NTM: variants seen among roughly 807,000 people sequenced by gnomAD.
NTM encodes IgLON family member 2.
A neutral mutation model predicts 42.1 loss-of-function variants in NTM; 13 were observed. The observed-to-expected ratio is 0.31, with a 90% confidence interval of 0.20 to 0.49. NTM has a LOEUF of 0.49. NTM is among the 20% of genes least tolerant of loss of function. NTM has a pLI of 0.99. For synonymous variants in NTM, 187 were observed against 179.2 expected, an observed-to-expected ratio of 1.04 and a Z score of -0.35; for missense variants, 373 against 452.8, an observed-to-expected ratio of 0.82 and a Z score of 1.60.
intron 2 of NTM, among the ~76,000 whole-genome samples, chr11:131,990,701 T>G (rs2066862965): frequency 6.6e-6 from 1 of 152,160 alleles, no homozygotes; most frequent in African/African-American, 2.4e-5. Context: ...CCTGCATTAT[T>G]AAGATTTCAG....
intron 2 of NTM, among the ~76,000 whole-genome samples, chr11:132,030,941 G>T (rs1455514953): frequency 6.6e-6 from 1 of 152,136 alleles, no homozygotes; most frequent in East Asian, 1.9e-4. Flanking sequence ...TTGGGCTCAG[G>T]CTTCTTCCAC....
intron 1 of NTM, among the ~76,000 whole-genome samples, chr11:131,520,162 C>G (rs867427678): frequency 1.9e-4 from 29 of 152,274 alleles, no homozygotes; most frequent in Middle Eastern, 3.4e-3. Flanking sequence ...TCTAAGTGAC[C>G]TAGAATTCCT....
Position 132,146,118 on chromosome 11 carries a change from C to A in NTM, c.168-164C>A. 2 of 612,440 alleles carry A rather than the reference C, an allele frequency of 3.3e-6. No homozygotes were observed. The highest frequency in any genetic ancestry group is 7.2e-5 in the South Asian group (1 of 13,840). 37.9% of individuals were successfully genotyped at this position (612,440 alleles called of 1,614,324 possible). A position where few individuals can be genotyped will look rare whatever the true frequency, so the allele number is the denominator to read the frequency against. Reference sequence around the variant, plus strand: ...TTCTGAGGCTGTAATCCCATAAGACCTTTGCTGTGTTCCAGAAAAGTCCAC... The same window carrying A: ...TTCTGAGGCTGTAATCCCATAAGACATTTGCTGTGTTCCAGAAAAGTCCAC... On this transcript the variant is annotated intron_variant, in intron 2 of 8. Transcript: ENST00000683400. The surrounding 1 kb of genome is among the most constrained non-coding windows in gnomAD (Gnocchi z 4.5).
At chr11:132,097,633 A>T (rs1311302753) in intron 2 of NTM, among the ~76,000 whole-genome samples, 7 of 152,152 alleles carry the variant, frequency 4.6e-5, no homozygotes, top group Non-Finnish European at 8.8e-5. Flanking sequence ...CACTGATATG[A>T]CCTCCTAGGT....
chr11:131,375,351 T>A (rs1941820086), intron 1 of NTM, among the ~76,000 whole-genome samples: 1 of 152,244 alleles, frequency 6.6e-6, no homozygotes. Flanking sequence ...ATTGTCTTGT[T>A]ACATGTTTAC....
chr11:131,412,071 T>A (rs1946483756), intron 1 of NTM, among the ~76,000 whole-genome samples: 1 of 152,156 alleles, frequency 6.6e-6, no homozygotes, highest in Non-Finnish European at 1.5e-5. Context: ...TTTTTCAGTG[T>A]CAATGCAATT....
chr11:131,617,891 AG>A (rs1389219028), intron 1 of NTM, among the ~76,000 whole-genome samples: 1 of 152,100 alleles, frequency 6.6e-6, no homozygotes, highest in Non-Finnish European at 1.5e-5. Flanking sequence ...GGGGGTTGGG[AG>A]GGCGAGCCAC....
chr11:132,333,682 T>C, intron 8 of NTM, among the ~76,000 whole-genome samples: 1 of 152,152 alleles, frequency 6.6e-6, no homozygotes, highest in East Asian at 1.9e-4. Context: ...GATCTGCACC[T>C]CTGAGAAGTT....
intron 2 of NTM, among the ~76,000 whole-genome samples, chr11:132,112,038 A>G (rs2063280362): frequency 6.6e-6 from 1 of 152,218 alleles, no homozygotes; most frequent in South Asian, 2.1e-4. Context: ...ACAAAAGGTC[A>G]TCCCTCCCTC....
intron 1 of NTM, among the ~76,000 whole-genome samples, chr11:131,376,687 C>A (rs1318090162): frequency 1.4e-5 from 2 of 142,684 alleles, no homozygotes; most frequent in Non-Finnish European, 3.0e-5. Flanking sequence ...TTTTTTTTAG[C>A]TTCAGTGAGA....
chr11:131,736,160 G>A (rs2080406567), intron 1 of NTM, among the ~76,000 whole-genome samples: 1 of 152,006 alleles, frequency 6.6e-6, no homozygotes, highest in Admixed American at 6.6e-5. Context: ...AGAAACAAAG[G>A]CCTAAGAAGG....
chr11:131,496,924 C>T (rs1955405726), intron 1 of NTM, among the ~76,000 whole-genome samples: 1 of 152,188 alleles, frequency 6.6e-6, no homozygotes, highest in African/African-American at 2.4e-5. Flanking sequence ...GAACTCAAAC[C>T]AGCACTGGAA....
At chr11:132,168,186 A>G (rs1291615423) in intron 3 of NTM, among the ~76,000 whole-genome samples, 1 of 152,172 alleles carries the variant, frequency 6.6e-6, no homozygotes, top group African/African-American at 2.4e-5. Context: ...ATTGCACTGC[A>G]CTTCATCTGA....
At chr11:131,866,876 C>G (rs1224511975) in intron 1 of NTM, among the ~76,000 whole-genome samples, 1 of 152,118 alleles carries the variant, frequency 6.6e-6, no homozygotes. Context: ...TTTAGACAAA[C>G]TGATATCTTC....
chr11:131,592,757 A>G (rs1323024542), intron 1 of NTM, among the ~76,000 whole-genome samples: 1 of 146,602 alleles, frequency 6.8e-6, no homozygotes, highest in Non-Finnish European at 1.5e-5. Flanking sequence ...CCCTCTCTCT[A>G]CCTGGTCTCC....
intron 1 of NTM, among the ~76,000 whole-genome samples, chr11:131,722,950 C>T (rs539139825): frequency 6.6e-6 from 1 of 152,294 alleles, no homozygotes; most frequent in South Asian, 2.1e-4. Context: ...GATATTATTA[C>T]TTTCTTATGA....
In NTM at chr11:131,751,016, G is replaced by A. The variant is rs989505561; in HGVS notation, c.83-160548G>A. ...CATGGGGCTTTTTCTCCATCTGGAA[G>A]AAGCCTCCACTCACCCCACGGCCAC... On this transcript the variant is annotated intron_variant, in intron 1 of 8. Coordinates refer to ENST00000683400, the MANE Select transcript of NTM (RefSeq NM_001352005.2). Among the ~76,000 whole-genome samples the A allele has an allele frequency of 5.3e-5, 8 of 152,260 alleles. No homozygotes were observed. The East Asian group carries it at 1.5e-3, about 29-fold the overall frequency.
intron 1 of NTM, among the ~76,000 whole-genome samples, chr11:131,533,452 A>G (rs1232360026): frequency 6.6e-6 from 1 of 152,130 alleles, no homozygotes; most frequent in African/African-American, 2.4e-5. Flanking sequence ...CGTCTCCATC[A>G]CTGAAATGGG....
intron 1 of NTM, among the ~76,000 whole-genome samples, chr11:131,737,124 G>A (rs1005765797): frequency 6.6e-6 from 1 of 152,216 alleles, no homozygotes; most frequent in Non-Finnish European, 1.5e-5. Flanking sequence ...GGAATGGACA[G>A]TTACTGGGTT....
Sources: gnomAD v4.1 joint callset for allele counts (sites outside exome capture counted in the v4.1 genomes callset) on GRCh38, gnomAD v4.1.1 for gene constraint, Gnocchi (gnomAD v3.1) non-coding constraint, MANE v1.5 for transcripts, NCBI Gene and HGNC (gene_info 2026-07-23, HGNC 2026-07-21) for gene names.